PIEZO2: variants seen among roughly 807,000 people sequenced by gnomAD.
PIEZO2 encodes piezo-type mechanosensitive ion channel component 2.
In PIEZO2, 172 loss-of-function variants were observed where a neutral mutation model predicts 337.3. The ratio of observed to expected loss-of-function variants is 0.51; its 90% CI spans 0.45 to 0.58. The LOEUF (loss-of-function observed/expected upper bound fraction) is 0.58, where lower values mean the gene tolerates loss of function less well. PIEZO2 is among the 20% of genes least tolerant of loss of function. The pLI is 0.00. For missense variants in PIEZO2, 3,028 were observed against 3,391.3 expected (o/e 0.89, Z 2.66); for synonymous variants, 1,251 against 1,228.5 (o/e 1.02, Z -0.38).
At chr18:10,920,695 G>A (rs2031334370) in intron 3 of PIEZO2, among the ~76,000 whole-genome samples, 1 of 152,092 alleles carries the variant, frequency 6.6e-6, no homozygotes, top group Non-Finnish European at 1.5e-5. Flanking sequence ...GAATCTGGGG[G>A]AAATTAAGAA....
chr18:10,735,872 G>A (rs1462451936), intron 34 of PIEZO2, among the ~76,000 whole-genome samples: 2 of 152,132 alleles, frequency 1.3e-5, no homozygotes, highest in East Asian at 1.9e-4. Flanking sequence ...TATGTGCCTC[G>A]TAGGAAAACA....
At chr18:10,977,001 ATGTGTGTGTGTGTGTGTG>A (rs59666101) in intron 3 of PIEZO2, among the ~76,000 whole-genome samples, 1 of 142,798 alleles carries the variant, frequency 7.0e-6, no homozygotes, top group African/African-American at 2.6e-5. Flanking sequence ...AAGAACAAAT[ATGTGTGTGTGTGTGTGTG>A]TGTGTGTGTG....
chr18:10,807,040 G>C (rs2040022094), intron 8 of PIEZO2, 72 bp downstream of exon 8: 24 of 1,404,320 alleles, frequency 1.7e-5, no homozygotes, highest in Non-Finnish European at 2.3e-5. Context: ...GTAGAGAACA[G>C]GAGTGAATCA....
chr18:11,086,278 T>C (rs2038905711), intron 1 of PIEZO2, among the ~76,000 whole-genome samples: 1 of 152,138 alleles, frequency 6.6e-6, no homozygotes, highest in African/African-American at 2.4e-5. Context: ...CCCAGCACTT[T>C]GGGAGGCTGA....
At chr18:11,134,804 AAAAT>A (rs2040435037) in intron 1 of PIEZO2, among the ~76,000 whole-genome samples, 1 of 152,182 alleles carries the variant, frequency 6.6e-6, no homozygotes, top group Non-Finnish European at 1.5e-5. Flanking sequence ...TAAATAAAAT[AAAAT>A]AAATAAAAAT....
At chr18:11,049,620 C>T (rs532624226) in intron 2 of PIEZO2, among the ~76,000 whole-genome samples, 192 of 152,248 alleles carry the variant, frequency 1.3e-3, no homozygotes, top group African/African-American at 3.8e-3. Context: ...GTGGGAGGGA[C>T]GTGGTGGAAG....
chr18:10,756,461 G>A (rs531087241), intron 27 of PIEZO2, among the ~76,000 whole-genome samples: 3 of 148,814 alleles, frequency 2.0e-5, no homozygotes, highest in Non-Finnish European at 4.5e-5. Flanking sequence ...ATGAAGAAAA[G>A]CTATGAGGAT....
rs147176601 is a variant in PIEZO2, at chr18:11,080,907, C to T, written c.65-14685G>A. On this transcript the variant is annotated intron_variant, in intron 1 of 55. Coordinates refer to ENST00000674853, the MANE Select transcript of PIEZO2 (RefSeq NM_001378183.1). The surrounding 1 kb of genome is among the most constrained non-coding windows in gnomAD (Gnocchi z 5.4). ...GAGATATCAGAGAAAAGTTATCACA[C>T]CTGACCAATGGAGTCAACGTCCAAT... Among the ~76,000 whole-genome samples, 12 of 152,264 alleles carry T rather than the reference C, an allele frequency of 7.9e-5. No individual in the cohort carries two copies. Among genetic ancestry groups the T allele is most frequent in the African/African-American group, 2.9e-4 (12 of 41,552 alleles).
intron 39 of PIEZO2, chr18:10,709,601 C>T (rs2035734572): frequency 6.6e-6 from 1 of 152,282 alleles, no homozygotes; most frequent in Non-Finnish European, 1.5e-5. Context: ...ACACTGTTGG[C>T]CAAGGATCCT....
intron 27 of PIEZO2, among the ~76,000 whole-genome samples, chr18:10,757,028 G>A (rs2037894657): frequency 1.2e-5 from 1 of 84,814 alleles, no homozygotes; most frequent in South Asian, 3.1e-4. Flanking sequence ...GGAGGATAAG[G>A]AGGAATGGGG....
chr18:10,866,628 G>A (rs745456590), intron 5 of PIEZO2, among the ~76,000 whole-genome samples: 1 of 152,090 alleles, frequency 6.6e-6, no homozygotes, highest in Non-Finnish European at 1.5e-5. Context: ...CTGTCCCAAG[G>A]GCCTGTTCCA....
intron 2 of PIEZO2, among the ~76,000 whole-genome samples, chr18:11,030,327 T>G (rs2036684714): frequency 6.6e-6 from 1 of 152,250 alleles, no homozygotes; most frequent in African/African-American, 2.4e-5. Context: ...GTGTGGAATA[T>G]CTGATAATCA....
At position 11,125,969 on chromosome 18, in the gene PIEZO2, G is replaced by C. The variant is rs550599072; in HGVS notation, c.64+22556C>G. 6.6e-6 allele frequency among the ~76,000 whole-genome samples: 1 copy of C among 152,234 alleles called. No individual in the cohort carries two copies. The highest frequency in any genetic ancestry group is 1.5e-5 in the Non-Finnish European group (1 of 68,048). ...TGCCTACCATAAGATGGACAGACAA[G>C]TAGCACGTGACTGTGGTTTTATCCA... On this transcript the variant is annotated intron_variant, in intron 1 of 55. Transcript: ENST00000674853. The surrounding 1 kb of genome is among the most constrained non-coding windows in gnomAD (Gnocchi z 4.4).
At chr18:10,675,691 T>C (rs750594023) in intron 53 of PIEZO2, among the ~76,000 whole-genome samples, 21 of 152,330 alleles carry the variant, frequency 1.4e-4, no homozygotes, top group Admixed American at 3.9e-4. Context: ...CAGGCTGATA[T>C]GGTTTGGTTG....
chr18:10,852,401 T>C (rs1300934259), intron 7 of PIEZO2, among the ~76,000 whole-genome samples: 1 of 152,130 alleles, frequency 6.6e-6, no homozygotes, highest in Non-Finnish European at 1.5e-5. Context: ...CAACTTTTAC[T>C]TATTTTAACT....
chr18:11,079,390 C>T (rs994216986), intron 1 of PIEZO2, among the ~76,000 whole-genome samples: 2 of 152,182 alleles, frequency 1.3e-5, no homozygotes, highest in Non-Finnish European at 2.9e-5. Flanking sequence ...GACCACTTGG[C>T]AAACTTTTAC....
At chr18:10,712,979 AT>A (rs2035878157) in intron 39 of PIEZO2, among the ~76,000 whole-genome samples, 1 of 152,192 alleles carries the variant, frequency 6.6e-6, no homozygotes, top group Non-Finnish European at 1.5e-5. Flanking sequence ...TTATTAACCA[AT>A]TAAAAGAAAA....
Position 10,757,964 on chromosome 18 carries a change from G to T in PIEZO2, c.3923+5C>A, listed in dbSNP as rs1235784873. On this transcript the variant is annotated splice_donor_5th_base_variant and intron_variant, in intron 27 of 55. Coordinates refer to ENST00000674853, the MANE Select transcript of PIEZO2 (RefSeq NM_001378183.1). The stretch of plus-strand genomic sequence containing the variant: ...GGCTTTTAGCAAATGTGAAGCTCTT[G>T]TTACCTGCAGTGAATAAAATCTGGC... 4 of 1,531,620 alleles carry T rather than the reference G, an allele frequency of 2.6e-6. No individual in the cohort carries two copies. The highest frequency in any genetic ancestry group is 3.5e-6 in the Non-Finnish European group (4 of 1,144,124). 94.9% of individuals were successfully genotyped at this position (1,531,620 alleles called of 1,614,324 possible). A position where few individuals can be genotyped will look rare whatever the true frequency, so the allele number is the denominator to read the frequency against.
intron 3 of PIEZO2, among the ~76,000 whole-genome samples, chr18:10,974,469 A>G (rs2034362563): frequency 6.6e-6 from 1 of 152,232 alleles, no homozygotes; most frequent in East Asian, 1.9e-4. Context: ...TTATAAGGAC[A>G]AATATCCAAG....
Sources: gnomAD v4.1 joint callset for allele counts (sites outside exome capture counted in the v4.1 genomes callset) on GRCh38, gnomAD v4.1.1 for gene constraint, Gnocchi (gnomAD v3.1) non-coding constraint, MANE v1.5 for transcripts, NCBI Gene and HGNC (gene_info 2026-07-23, HGNC 2026-07-21) for gene names.